The following TTC7B variants were observed in gnomAD, a reference collection of about 807,000 sequenced individuals.
TTC7B encodes the protein tetratricopeptide repeat protein 7B.
Under a neutral mutation model 106.8 loss-of-function variants are expected in TTC7B, and 28 were observed. That is an observed-to-expected ratio of 0.26 (90% CI 0.19 to 0.36). TTC7B has a LOEUF of 0.36. Among genes scored for constraint, TTC7B ranks in the 10% least tolerant of loss-of-function variants. The pLI, the probability that TTC7B is intolerant of heterozygous loss-of-function variation, is 1.00. For synonymous variants in TTC7B, 405 were observed against 430.6 expected (o/e 0.94, Z 0.74); for missense variants, 862 against 1,076.4 (o/e 0.80, Z 2.79).
chr14:90,801,784 G>T (rs1414846610), intron 1 of TTC7B, among the ~76,000 whole-genome samples: 1 of 152,156 alleles, frequency 6.6e-6, no homozygotes, highest in African/African-American at 2.4e-5. Flanking sequence ...CGCCGGGCAC[G>T]GTGGCTCACG....
chr14:90,527,946 G>C lies in TTC7B; in HGVS notation c.*13422C>G, dbSNP rs1258207911. 2.6e-5 allele frequency: 4 copies of C among 152,070 alleles called. No homozygotes were observed. The East Asian group carries it at 5.9e-4, about 22-fold the overall frequency. The allele number at this position is 152,070 out of a possible 1,614,324, so 9.4% of individuals were successfully genotyped here. ...CTCACGCCTGTAATCCCAGCACTTTGGGAGGCTGAGGCGGGTGGATCACTT... is the reference window on the plus strand; with the variant it reads ...CTCACGCCTGTAATCCCAGCACTTTCGGAGGCTGAGGCGGGTGGATCACTT... On this transcript the variant is annotated 3_prime_UTR_variant, in exon 20 of 20. Coordinates refer to ENST00000328459, the MANE Select transcript of TTC7B (RefSeq NM_001010854.2).
intron 9 of TTC7B, among the ~76,000 whole-genome samples, chr14:90,671,722 T>G (rs1886640321): frequency 6.6e-6 from 1 of 152,208 alleles, no homozygotes; most frequent in Admixed American, 6.5e-5. Flanking sequence ...TTTAAACCTG[T>G]CAGAATGAGG....
chr14:90,652,103 C>G lies in TTC7B; in HGVS notation c.1517+738G>C, dbSNP rs185422902. 1.6e-4 allele frequency among the ~76,000 whole-genome samples: 25 copies of G among 152,044 alleles called. 1 individual carries two copies. The highest frequency in any genetic ancestry group is 1.3e-3 in the Admixed American group (20 of 15,272). ...ATGAGGGCAGTGTAGTATGGTGGGG[C>G]AGGAGAAACTGTGTTAGAGCCAGGA... On this transcript the variant is annotated intron_variant, in intron 13 of 19. Coordinates refer to ENST00000328459, the MANE Select transcript of TTC7B (RefSeq NM_001010854.2).
chr14:90,571,683 C>T (rs1891041266), intron 19 of TTC7B, among the ~76,000 whole-genome samples: 1 of 152,162 alleles, frequency 6.6e-6, no homozygotes, highest in Non-Finnish European at 1.5e-5. Context: ...TGAAAGAGAT[C>T]CACGTCTAAA....
At chr14:90,753,471 G>C (rs764475162) in intron 3 of TTC7B, among the ~76,000 whole-genome samples, 1 of 152,232 alleles carries the variant, frequency 6.6e-6, no homozygotes, top group African/African-American at 2.4e-5. Flanking sequence ...GGGCAGCCCC[G>C]ATGGCTGGTC....
intron 14 of TTC7B, 61 bp from the exon 15 acceptor site, chr14:90,644,269 ACACACACACACG>A (rs990648052): frequency 1.9e-5 from 25 of 1,321,106 alleles, no homozygotes; most frequent in Non-Finnish European, 2.1e-5. Context: ...ACACACACAC[ACACACACACACG>A]CGCGAAAGAA....
At chr14:90,797,581 A>G (rs1351179471) in intron 1 of TTC7B, among the ~76,000 whole-genome samples, 1 of 152,042 alleles carries the variant, frequency 6.6e-6, no homozygotes, top group Non-Finnish European at 1.5e-5. Flanking sequence ...GAGTGCTAAC[A>G]GGAAAACAGA....
rs1889501250 is a variant in TTC7B, at chr14:90,539,376, C to G, written c.*1992G>C. 1 of 152,570 alleles carries G rather than the reference C, an allele frequency of 6.6e-6. No individual in the cohort carries two copies. The highest frequency in any genetic ancestry group is 1.5e-5 in the Non-Finnish European group (1 of 68,316). The allele number at this position is 152,570 out of a possible 1,614,324, so 9.5% of individuals were successfully genotyped here. On this transcript the variant is annotated 3_prime_UTR_variant, in exon 20 of 20. Coordinates refer to ENST00000328459, the MANE Select transcript of TTC7B (RefSeq NM_001010854.2). ...CCTGGTCCTGATCCAGTGGGCCTTG[C>G]CCCACGCTCCCGCATGGGATGGCAG...
chr14:90,550,662 G>C (rs995564191), intron 19 of TTC7B, among the ~76,000 whole-genome samples: 1 of 151,782 alleles, frequency 6.6e-6, no homozygotes, highest in Non-Finnish European at 1.5e-5. Flanking sequence ...TCCGAGAGGA[G>C]GGGGGGCCCT....
At chr14:90,739,154 AAAGGG>A (rs1889662718) in intron 4 of TTC7B, among the ~76,000 whole-genome samples, 1 of 152,222 alleles carries the variant, frequency 6.6e-6, no homozygotes, top group Non-Finnish European at 1.5e-5. Flanking sequence ...GCTCCCAGAT[AAAGGG>A]CTCAAAGTCA....
chr14:90,693,466 C>T (rs1403490024), intron 6 of TTC7B, among the ~76,000 whole-genome samples: 1 of 152,134 alleles, frequency 6.6e-6, no homozygotes, highest in Non-Finnish European at 1.5e-5. Flanking sequence ...ATCCAATCTG[C>T]CTTATTCTGT....
At chr14:90,598,473 G>C (rs73326816) in intron 17 of TTC7B, among the ~76,000 whole-genome samples, 6,888 of 152,250 alleles carry the variant, frequency 0.045, 511 homozygotes, top group African/African-American at 0.16. Context: ...GGGGTAAGGA[G>C]GGGGGAAGGC....
intron 9 of TTC7B, among the ~76,000 whole-genome samples, chr14:90,669,464 C>T (rs536684223): frequency 6.2e-4 from 94 of 150,490 alleles, no homozygotes; most frequent in Admixed American, 1.5e-3. Context: ...TTTAGGAAGC[C>T]AAGACGGGAG....
intron 5 of TTC7B, among the ~76,000 whole-genome samples, chr14:90,699,556 C>G (rs1749700): frequency 0.46 from 69,802 of 151,484 alleles, 16,403 homozygotes; most frequent in East Asian, 0.61. Context: ...GAATAAAAGA[C>G]TGGGTCAATT....
chr14:90,647,347 G>A, intron 13 of TTC7B: 1 of 258,932 alleles, frequency 3.9e-6, no homozygotes. Context: ...CAGCAGATGG[G>A]TCTCTGTGTC....
chr14:90,579,304 G>A (rs55649754), intron 18 of TTC7B, among the ~76,000 whole-genome samples: 2 of 152,174 alleles, frequency 1.3e-5, no homozygotes, highest in Non-Finnish European at 2.9e-5. Context: ...CCGCTCTGTC[G>A]GGGCTCATGG....
intron 5 of TTC7B, chr14:90,698,492 C>A (rs988873775): frequency 6.6e-6 from 1 of 152,192 alleles, no homozygotes; most frequent in Non-Finnish European, 1.5e-5. Flanking sequence ...TTCCACAAAT[C>A]CCTGACATTA....
intron 19 of TTC7B, among the ~76,000 whole-genome samples, chr14:90,544,494 G>A (rs1227128915): frequency 2.0e-5 from 3 of 152,136 alleles, no homozygotes; most frequent in African/African-American, 2.4e-5. Flanking sequence ...CTCCCAGGAT[G>A]GTGCTCTGGA....
At chr14:90,813,933 A>G (rs1389797379) in intron 1 of TTC7B, among the ~76,000 whole-genome samples, 1 of 152,160 alleles carries the variant, frequency 6.6e-6, no homozygotes, top group Non-Finnish European at 1.5e-5. Context: ...TCTTGCAAAC[A>G]CCAAAGGAGA....
Sources: gnomAD v4.1 joint callset for allele counts (sites outside exome capture counted in the v4.1 genomes callset) on GRCh38, gnomAD v4.1.1 for gene constraint, MANE v1.5 for transcripts, NCBI Gene and HGNC (gene_info 2026-07-23, HGNC 2026-07-21) for gene names.